STX17: variants seen among roughly 807,000 people sequenced by gnomAD.
STX17 encodes the protein syntaxin 17, also known as syntaxin-17.
STX17 carries 29 observed loss-of-function variants against 35.9 expected under a neutral mutation model. The ratio of observed to expected loss-of-function variants is 0.81; its 90% CI spans 0.60 to 1.10. The LOEUF (loss-of-function observed/expected upper bound fraction) is 1.10. STX17 is among the 50% of genes least tolerant of loss of function. The probability of loss-of-function intolerance (pLI) is 0.00; values close to 1 mark genes in which losing one functional copy is unlikely to be tolerated. For synonymous variants in STX17, 92 were observed against 118.3 expected (o/e 0.78, Z 1.44); for missense variants, 312 against 352.3 (o/e 0.89, Z 0.92).
In STX17 at chr9:99,973,366, A is replaced by G. The variant is rs558659571; in HGVS notation, c.*4693A>G. 2.0e-5 allele frequency among the ~76,000 whole-genome samples: 3 copies of G among 152,338 alleles called. No individual in the cohort carries two copies. The highest frequency in any genetic ancestry group is 1.3e-4 in the Admixed American group (2 of 15,294). ...GTTAGGCCCTGTCAAGCCACCTGCT[A>G]AGGCTCATGGTCTTTCAGACTAGCT... On this transcript the variant is annotated 3_prime_UTR_variant, in exon 8 of 8. Transcript: ENST00000259400.
Position 99,919,721 on chromosome 9 carries a change from C to T in STX17, c.123+4359C>T, listed in dbSNP as rs752349426. ...TTATAGGAAATAAATGTTAGCTTTTCGTAAATATTTATTGATGTTTGCTAT... is the reference window on the plus strand; with the variant it reads ...TTATAGGAAATAAATGTTAGCTTTTTGTAAATATTTATTGATGTTTGCTAT... On this transcript the variant is annotated intron_variant, in intron 2 of 7. Coordinates refer to ENST00000259400, the MANE Select transcript of STX17 (RefSeq NM_017919.3). Among the ~76,000 whole-genome samples the T allele has an allele frequency of 2.0e-5, 3 of 152,064 alleles. No individual in the cohort carries two copies. In the East Asian group the frequency reaches 5.8e-4, roughly 29 times the overall value.
rs554773281 is a variant in STX17, at chr9:99,969,056, G to T, written c.*383G>T. ...ATTGGAGACCTTAATGCTAAGTGTA[G>T]ATTATTGAGGTTTGTTAGTGAGGAA... On this transcript the variant is annotated 3_prime_UTR_variant, in exon 8 of 8. Coordinates refer to ENST00000259400, the MANE Select transcript of STX17 (RefSeq NM_017919.3). The T allele has an allele frequency of 5.9e-4, 94 of 158,610 alleles. No individual in the cohort carries two copies. Among genetic ancestry groups the T allele is most frequent in the African/African-American group, 2.0e-3 (85 of 41,742 alleles). The allele number at this position is 158,610 out of a possible 1,614,324, so 9.8% of individuals were successfully genotyped here. A position where few individuals can be genotyped will look rare whatever the true frequency, so the allele number is the denominator to read the frequency against.
At chr9:99,951,443 T>G (rs974254871) in intron 4 of STX17, 158 bp downstream of exon 4, 6 of 662,506 alleles carry the variant, frequency 9.1e-6, no homozygotes, top group Non-Finnish European at 1.4e-5. Context: ...CCTGGAAATG[T>G]GTACCCTGGA....
chr9:99,965,468 C>T (rs952710248), intron 6 of STX17, among the ~76,000 whole-genome samples: 1 of 152,144 alleles, frequency 6.6e-6, no homozygotes, highest in African/African-American at 2.4e-5. Flanking sequence ...TACCTTTCAA[C>T]TCATCAACAT....
At chr9:99,920,534 CTTA>C (rs1199673861) in intron 2 of STX17, among the ~76,000 whole-genome samples, 1 of 152,240 alleles carries the variant, frequency 6.6e-6, no homozygotes, top group South Asian at 2.1e-4. Flanking sequence ...ATAATAAATA[CTTA>C]TTATTAAAGC....
chr9:99,943,379 C>T (rs1829407305), intron 3 of STX17, among the ~76,000 whole-genome samples: 1 of 152,150 alleles, frequency 6.6e-6, no homozygotes, highest in African/African-American at 2.4e-5. Flanking sequence ...GCAATCTTGG[C>T]TCACTGCAAC....
At chr9:99,916,671 T>C (rs1198759493) in intron 2 of STX17, among the ~76,000 whole-genome samples, 1 of 152,160 alleles carries the variant, frequency 6.6e-6, no homozygotes, top group Non-Finnish European at 1.5e-5. Context: ...ATGCGAATAT[T>C]TGAAGTCTTT....
chr9:99,953,386 T>G (rs1829644397), intron 4 of STX17, among the ~76,000 whole-genome samples: 1 of 152,136 alleles, frequency 6.6e-6, no homozygotes, highest in African/African-American at 2.4e-5. Context: ...CACCTCACTC[T>G]GTGGATAACC....
chr9:99,957,403 A>G (rs936260572), intron 4 of STX17, among the ~76,000 whole-genome samples: 9 of 152,284 alleles, frequency 5.9e-5, no homozygotes, highest in Admixed American at 5.9e-4. Flanking sequence ...TAAAATACAA[A>G]TTCCTTGAGA....
At chr9:99,961,551 A>G (rs1166660403) in intron 6 of STX17, among the ~76,000 whole-genome samples, 1 of 152,174 alleles carries the variant, frequency 6.6e-6, no homozygotes, top group Non-Finnish European at 1.5e-5. Context: ...TGTCTTTCTC[A>G]GGAGTTATGG....
intron 3 of STX17, chr9:99,945,799 C>T (rs1829470831): frequency 1.7e-5 from 6 of 359,404 alleles, no homozygotes; most frequent in South Asian, 8.4e-5. Flanking sequence ...TGGACAGTTG[C>T]GGCCGGGCGC....
intron 1 of STX17, among the ~76,000 whole-genome samples, chr9:99,909,830 T>A (rs2118283940): frequency 6.6e-6 from 1 of 152,346 alleles, no homozygotes; most frequent in Middle Eastern, 3.4e-3. Flanking sequence ...ATACCTCATT[T>A]ACCCTAATGT....
chr9:99,923,876 G>A (rs1828937416), intron 2 of STX17, among the ~76,000 whole-genome samples: 1 of 152,162 alleles, frequency 6.6e-6, no homozygotes, highest in African/African-American at 2.4e-5. Flanking sequence ...AGATGCATAA[G>A]GTGAGGTATG....
chr9:99,932,519 A>G (rs989395778), intron 3 of STX17, among the ~76,000 whole-genome samples: 16 of 152,194 alleles, frequency 1.1e-4, no homozygotes, highest in Admixed American at 7.9e-4. Flanking sequence ...AATGGTACTC[A>G]GCATGTTAAT....
chr9:99,951,406 C>T (rs1010308748), intron 4 of STX17, 121 bp downstream of exon 4: 17 of 862,674 alleles, frequency 2.0e-5, no homozygotes, highest in Non-Finnish European at 3.0e-5. Context: ...TCCCAATATG[C>T]TGAATCCTTG....
intron 1 of STX17, among the ~76,000 whole-genome samples, chr9:99,914,880 C>T (rs1251056155): frequency 6.6e-6 from 1 of 151,966 alleles, no homozygotes; most frequent in South Asian, 2.1e-4. Context: ...CCTGGAGAGA[C>T]GTATGCCAAA....
chr9:99,971,388 A>G lies in STX17; in HGVS notation c.*2715A>G, dbSNP rs575731422. ...ACAGTAAAAAACGCATTTATATCAA[A>G]CCTTAGAATATGTTTAATGAACAAT... On this transcript the variant is annotated 3_prime_UTR_variant, in exon 8 of 8. Transcript: ENST00000259400. Among the ~76,000 whole-genome samples the G allele has an allele frequency of 5.3e-5, 8 of 152,040 alleles. No homozygotes were observed. The South Asian group carries it at 1.7e-3, about 32-fold the overall frequency.
intron 3 of STX17, among the ~76,000 whole-genome samples, chr9:99,935,293 G>A (rs572098728): frequency 7.1e-6 from 1 of 139,972 alleles, no homozygotes; most frequent in Admixed American, 7.7e-5. Context: ...TCACACCACT[G>A]TACTCCAGCC....
At chr9:99,962,612 A>T (rs1425038362) in intron 6 of STX17, among the ~76,000 whole-genome samples, 4 of 152,234 alleles carry the variant, frequency 2.6e-5, no homozygotes, top group African/African-American at 9.6e-5. Flanking sequence ...TAAAAGAAAT[A>T]TTAAAGGTCT....
Sources: allele counts gnomAD v4.1 joint callset (sites outside exome capture counted in the v4.1 genomes callset), GRCh38; gene constraint gnomAD v4.1.1; transcripts MANE v1.5; gene names NCBI Gene and HGNC (gene_info 2026-07-23, HGNC 2026-07-21).